Variants in SMG6 observed in about 807,000 individuals in gnomAD.
SMG6 encodes the protein SMG6 nonsense mediated mRNA decay factor, also known as telomerase-binding protein EST1A.
A neutral mutation model predicts 142.2 loss-of-function variants in SMG6; 66 were observed. That is an observed-to-expected ratio of 0.46 (90% CI 0.38 to 0.57). The LOEUF is 0.57. Among genes scored for constraint, SMG6 ranks in the 20% least tolerant of loss-of-function variants. The pLI is 0.00. For missense variants in SMG6, 1,793 were observed against 1,832.0 expected (o/e 0.98, Z 0.39); for synonymous variants, 779 against 702.4 (o/e 1.11, Z -1.72).
intron 15 of SMG6, among the ~76,000 whole-genome samples, chr17:2,070,824 G>A (rs1243183111): frequency 6.6e-6 from 1 of 152,154 alleles, no homozygotes; most frequent in Non-Finnish European, 1.5e-5. Flanking sequence ...CGGGGTCACT[G>A]ACCCTCTACA....
chr17:2,183,159 G>A (rs1455232212), intron 12 of SMG6, among the ~76,000 whole-genome samples: 1 of 152,046 alleles, frequency 6.6e-6, no homozygotes, highest in African/African-American at 2.4e-5. Flanking sequence ...CCAGGAGGTC[G>A]AGGCTGCAGC....
At chr17:2,184,054 TC>T (rs2071892385) in intron 12 of SMG6, among the ~76,000 whole-genome samples, 1 of 152,124 alleles carries the variant, frequency 6.6e-6, no homozygotes, top group African/African-American at 2.4e-5. Flanking sequence ...GGACCCAGAA[TC>T]AGCACAGACA....
At chr17:2,117,162 A>G (rs2069533701) in intron 13 of SMG6, among the ~76,000 whole-genome samples, 1 of 151,370 alleles carries the variant, frequency 6.6e-6, no homozygotes, top group Non-Finnish European at 1.5e-5. Flanking sequence ...TAGCGTGAAC[A>G]TGGCTCACTG....
At chr17:2,075,017 T>C (rs964802413) in intron 15 of SMG6, among the ~76,000 whole-genome samples, 5 of 152,234 alleles carry the variant, frequency 3.3e-5, no homozygotes, top group Non-Finnish European at 5.9e-5. Flanking sequence ...CTGGAGCGGG[T>C]CTGGGTGGGA....
At chr17:2,136,093 C>T (rs1307967640) in intron 13 of SMG6, among the ~76,000 whole-genome samples, 1 of 151,630 alleles carries the variant, frequency 6.6e-6, no homozygotes. Flanking sequence ...GACAGAGTCT[C>T]GCTCTGTCGC....
chr17:2,286,918 AAATAATTTTT>A (rs2074917724), intron 6 of SMG6, among the ~76,000 whole-genome samples: 1 of 146,674 alleles, frequency 6.8e-6, no homozygotes, highest in African/African-American at 2.5e-5. Context: ...ACAAAACATA[AAATAATTTTT>A]TTTTTTTTTT....
In SMG6 at chr17:2,085,728, A is replaced by G. The variant is rs375553675; in HGVS notation, c.3531T>C (p.Asp1177=). The stretch of plus-strand genomic sequence containing the variant: ...GCGGGCTCTTCCCGCATAGTACCTC[A>G]TCTTCCAGTCGTGTTCCCTCTTGGC... The part of the protein sequence containing the change: ...MGSQEGTRLE[D]EEEDVVIEDF... The change falls in exon 14 of 19, where the codon GAT becomes GAC. Residue 1177 remains aspartate, a synonymous_variant. Coordinates refer to ENST00000263073, the MANE Select transcript of SMG6 (RefSeq NM_017575.5). This position sits in a 1 kb window ranked among gnomAD's most constrained non-coding sequence, Gnocchi z 4.1. 7 of 1,612,876 alleles carry G rather than the reference A, an allele frequency of 4.3e-6. No homozygotes were observed. Among genetic ancestry groups the G allele is most frequent in the Admixed American group, 1.7e-5 (1 of 59,708 alleles).
intron 8 of SMG6, among the ~76,000 whole-genome samples, chr17:2,245,098 G>C (rs924746011): frequency 1.3e-5 from 2 of 152,224 alleles, no homozygotes; most frequent in African/African-American, 4.8e-5. Flanking sequence ...AAGGATAATA[G>C]TGAAGGCCCT....
At chr17:2,227,551 A>G (rs1293693451) in intron 10 of SMG6, among the ~76,000 whole-genome samples, 1 of 152,230 alleles carries the variant, frequency 6.6e-6, no homozygotes, top group Non-Finnish European at 1.5e-5. Context: ...GACAGAAAGC[A>G]GATAAGCAGT....
At chr17:2,179,403 C>T (rs2071740409) in intron 12 of SMG6, among the ~76,000 whole-genome samples, 1 of 152,160 alleles carries the variant, frequency 6.6e-6, no homozygotes, top group Non-Finnish European at 1.5e-5. Flanking sequence ...TCTATCTCAT[C>T]TACAGAGTCA....
chr17:2,151,710 CT>C (rs1443222259), intron 13 of SMG6, among the ~76,000 whole-genome samples: 1 of 152,242 alleles, frequency 6.6e-6, no homozygotes, highest in Non-Finnish European at 1.5e-5. Context: ...ATAGTATCTT[CT>C]CTTGACTTTT....
intron 8 of SMG6, among the ~76,000 whole-genome samples, chr17:2,258,325 G>A (rs192947720): frequency 2.0e-5 from 3 of 152,186 alleles, no homozygotes; most frequent in African/African-American, 4.8e-5. Context: ...GGAGGCTGAC[G>A]CAGGCAGATC....
chr17:2,066,856 G>A (rs1343220767), intron 16 of SMG6, among the ~76,000 whole-genome samples: 2 of 152,194 alleles, frequency 1.3e-5, no homozygotes, highest in African/African-American at 2.4e-5. Context: ...AACTAAACAG[G>A]CTTCAAAGAG....
At chr17:2,074,089 AAGAG>A (rs200986330) in intron 15 of SMG6, among the ~76,000 whole-genome samples, 10 of 151,968 alleles carry the variant, frequency 6.6e-5, no homozygotes, top group African/African-American at 9.6e-5. Context: ...ATCTCAAAAA[AAGAG>A]AGAGAGAGAG....
At chr17:2,095,052 G>C (rs988262415) in intron 13 of SMG6, 1 of 152,178 alleles carries the variant, frequency 6.6e-6, no homozygotes, top group Non-Finnish European at 1.5e-5. Flanking sequence ...ACATTGGCAG[G>C]GGTTAAGGAC....
intron 8 of SMG6, among the ~76,000 whole-genome samples, chr17:2,260,479 T>G (rs1567726439): frequency 6.6e-6 from 1 of 152,230 alleles, no homozygotes; most frequent in South Asian, 2.1e-4. Flanking sequence ...ACCCAAACTC[T>G]GTAGTTCAAA....
At chr17:2,107,006 TAG>T in intron 13 of SMG6, among the ~76,000 whole-genome samples, 1 of 152,286 alleles carries the variant, frequency 6.6e-6, no homozygotes, top group Non-Finnish European at 1.5e-5. Context: ...GTATTTTTAG[TAG>T]AGACGTTTAG....
chr17:2,255,537 G>A (rs1023915656), intron 8 of SMG6, among the ~76,000 whole-genome samples: 2 of 151,654 alleles, frequency 1.3e-5, no homozygotes, highest in Non-Finnish European at 2.9e-5. Flanking sequence ...TTAGGGTTTT[G>A]GCCAGCTGCC....
intron 13 of SMG6, chr17:2,122,269 G>A (rs1052531147): frequency 6.6e-6 from 1 of 152,150 alleles, no homozygotes; most frequent in Non-Finnish European, 1.5e-5. Context: ...GAGCTCACTG[G>A]AGAATGTTCA....
Sources: gnomAD v4.1 joint callset for allele counts (sites outside exome capture counted in the v4.1 genomes callset) on GRCh38, gnomAD v4.1.1 for gene constraint, Gnocchi (gnomAD v3.1) non-coding constraint, MANE v1.5 for transcripts, NCBI Gene and HGNC (gene_info 2026-07-23, HGNC 2026-07-21) for gene names.